MED27: variants seen among roughly 807,000 people sequenced by gnomAD.
The protein encoded by MED27 is mediator complex subunit 27.
Under a neutral mutation model 38.2 loss-of-function variants are expected in MED27, and 30 were observed. The observed-to-expected ratio is 0.79, with a 90% CI of 0.59 to 1.07. MED27 has a LOEUF of 1.07. MED27 is among the 50% of genes least tolerant of loss of function. The pLI is 0.00. For missense variants in MED27, 289 were observed against 397.5 expected (o/e 0.73, Z 2.32); for synonymous variants, 122 against 153.5 (o/e 0.79, Z 1.52).
intron 2 of MED27, among the ~76,000 whole-genome samples, chr9:132,017,371 G>A (rs1832627900): frequency 6.6e-6 from 1 of 152,080 alleles, no homozygotes; most frequent in African/African-American, 2.4e-5. Flanking sequence ...ACCGCCATAA[G>A]TTCTCAATTA....
chr9:132,006,646 A>G (rs1564321787), intron 3 of MED27, among the ~76,000 whole-genome samples: 1 of 151,908 alleles, frequency 6.6e-6, no homozygotes, highest in Non-Finnish European at 1.5e-5. Context: ...TGTATGGCAG[A>G]GGAAAAAAAA....
intron 3 of MED27, among the ~76,000 whole-genome samples, chr9:131,996,748 A>G (rs1378622903): frequency 6.6e-6 from 1 of 152,178 alleles, no homozygotes; most frequent in Non-Finnish European, 1.5e-5. Context: ...TGAGACAGCA[A>G]GACCAACCTC....
At chr9:131,931,992 T>C (rs945038247) in intron 4 of MED27, among the ~76,000 whole-genome samples, 2 of 151,986 alleles carry the variant, frequency 1.3e-5, no homozygotes, top group Non-Finnish European at 2.9e-5. Flanking sequence ...ACAGAACAAA[T>C]GGACATAATA....
chr9:131,898,331 T>C (rs1829869130), intron 4 of MED27, among the ~76,000 whole-genome samples: 1 of 151,658 alleles, frequency 6.6e-6, no homozygotes, highest in Admixed American at 6.6e-5. Flanking sequence ...GCCTCCTGGG[T>C]TCAAGCGATT....
At chr9:131,916,876 C>G (rs556512529) in intron 4 of MED27, among the ~76,000 whole-genome samples, 5 of 152,306 alleles carry the variant, frequency 3.3e-5, no homozygotes, top group African/African-American at 1.2e-4. Context: ...ACAGCACACC[C>G]CTTCAATACA....
chr9:131,879,198 TCTC>T (rs1441456685), intron 6 of MED27, among the ~76,000 whole-genome samples: 2 of 152,164 alleles, frequency 1.3e-5, no homozygotes, highest in African/African-American at 4.8e-5. Flanking sequence ...ATGCTTCCAT[TCTC>T]CTACCTCCTG....
At chr9:131,980,205 G>A (rs1831699936) in intron 3 of MED27, among the ~76,000 whole-genome samples, 1 of 151,814 alleles carries the variant, frequency 6.6e-6, no homozygotes, top group Admixed American at 6.6e-5. Flanking sequence ...ATGGGAGGCG[G>A]GTGGCGGGGG....
At chr9:131,969,627 G>A (rs527321247) in intron 3 of MED27, among the ~76,000 whole-genome samples, 3 of 152,062 alleles carry the variant, frequency 2.0e-5, no homozygotes, top group Non-Finnish European at 4.4e-5. Context: ...AGCCCAAGAG[G>A]GATTGGAGAG....
At chr9:132,058,763 G>C (rs187088919) in intron 2 of MED27, among the ~76,000 whole-genome samples, 1 of 152,182 alleles carries the variant, frequency 6.6e-6, no homozygotes, top group Non-Finnish European at 1.5e-5. Context: ...TACAACTTCA[G>C]TGAAACTGTA....
intron 3 of MED27, among the ~76,000 whole-genome samples, chr9:131,994,229 A>G (rs566079060): frequency 9.8e-5 from 15 of 152,332 alleles, no homozygotes; most frequent in Non-Finnish European, 1.5e-4. Flanking sequence ...CGCAATTCCC[A>G]GGAACCTATC....
At chr9:132,068,182 G>C (rs1478612446) in intron 2 of MED27, among the ~76,000 whole-genome samples, 1 of 152,090 alleles carries the variant, frequency 6.6e-6, no homozygotes, top group Non-Finnish European at 1.5e-5. Context: ...CATGTACAGA[G>C]ACTCCCCCGG....
chr9:132,014,152 G>A (rs1832542808), intron 3 of MED27, among the ~76,000 whole-genome samples, 185 bp downstream of exon 3: 1 of 152,074 alleles, frequency 6.6e-6, no homozygotes, highest in Admixed American at 6.5e-5. Flanking sequence ...GGAGGGCAGA[G>A]GTTGCAGTGA....
chr9:131,884,018 C>T (rs1839093483), intron 6 of MED27, 40 bp downstream of exon 6: 1 of 1,579,420 alleles, frequency 6.3e-7, no homozygotes, highest in South Asian at 1.1e-5. Flanking sequence ...TTCACGTTTT[C>T]CTAATGCCGC....
At chr9:131,885,609 CTGGTCACACT>C (rs916574550) in intron 5 of MED27, among the ~76,000 whole-genome samples, 2 of 152,186 alleles carry the variant, frequency 1.3e-5, no homozygotes, top group African/African-American at 4.8e-5. Flanking sequence ...CAGTCCTCCT[CTGGTCACACT>C]TGGTCACACA....
At chr9:132,074,923 A>G (rs146269036) in intron 2 of MED27, among the ~76,000 whole-genome samples, 201 of 152,362 alleles carry the variant, frequency 1.3e-3, no homozygotes, top group African/African-American at 4.6e-3. Context: ...GCGCCAGAAC[A>G]GAGAGTTACA....
rs1161457581 is a variant in MED27, at chr9:131,893,900, G to A, written c.666C>T (p.Tyr222=). 1.2e-6 allele frequency: 2 copies of A among 1,613,460 alleles called. No individual in the cohort carries two copies. Among genetic ancestry groups the A allele is most frequent in the African/African-American group, 1.3e-5 (1 of 74,928 alleles). ...TIVKGYNENV[Y]TEDGKLDIWS... is the part of the protein sequence containing the mutation. ...CAATGCTTACCTTGCCATCTTCTGT[G>A]TAGACATTCTCGTTATATCCCTTTA... is the stretch of plus-strand genomic sequence containing the variant. The change falls in exon 5 of 8, where the codon TAC becomes TAT. Residue 222 remains tyrosine (Y), a synonymous_variant. Coordinates refer to ENST00000292035, the MANE Select transcript of MED27 (RefSeq NM_004269.4).
At chr9:131,864,987 C>T (rs925612178) in intron 6 of MED27, among the ~76,000 whole-genome samples, 12 of 152,248 alleles carry the variant, frequency 7.9e-5, no homozygotes, top group African/African-American at 1.7e-4. Flanking sequence ...TGGACTTTCA[C>T]GGCCTGCCCC....
intron 6 of MED27, among the ~76,000 whole-genome samples, chr9:131,874,317 C>A (rs145629456): frequency 1.0e-3 from 155 of 152,306 alleles, no homozygotes; most frequent in African/African-American, 3.6e-3. Flanking sequence ...CCCCGCCGGG[C>A]ACTTGCCAGA....
At chr9:132,077,846 C>A (rs377131443) in intron 1 of MED27, among the ~76,000 whole-genome samples, 1 of 152,032 alleles carries the variant, frequency 6.6e-6, no homozygotes, top group Non-Finnish European at 1.5e-5. Flanking sequence ...TCAATAAGAC[C>A]CCCATAATCA....
Sources: allele counts gnomAD v4.1 joint callset (sites outside exome capture counted in the v4.1 genomes callset), GRCh38; gene constraint gnomAD v4.1.1; transcripts MANE v1.5; gene names NCBI Gene and HGNC (gene_info 2026-07-23, HGNC 2026-07-21).